The following OTOGL variants were observed in gnomAD, a reference collection of about 807,000 sequenced individuals.
The protein encoded by OTOGL is otogelin-like protein.
Under a neutral mutation model 318.5 loss-of-function variants are expected in OTOGL, and 285 were observed. The observed-to-expected ratio is 0.89, with a 90% CI of 0.81 to 0.99. OTOGL has a LOEUF of 0.99. Among genes scored for constraint, OTOGL ranks in the 50% least tolerant of loss-of-function variants. The pLI is 0.00. For missense variants in OTOGL, 2,899 were observed against 2,845.6 expected (o/e 1.02, Z -0.43); for synonymous variants, 987 against 936.5 (o/e 1.05, Z -0.99).
Position 80,336,928 on chromosome 12 carries a change from T to C in OTOGL, c.4784T>C (p.Ile1595Thr). ...SLKKLAPSGR[I>T]SGLCFKKLNV... The stretch of plus-strand genomic sequence containing the variant: ...CAAATTAAGGCTCCCTCTGGAAGAA[T>C]CTCTGGACTTTGTTTTAAGAAGTTA... The change falls in exon 42 of 59, where the codon ATC becomes ACC. Residue 1595 changes from isoleucine to threonine, a missense_variant. Around this residue, in one of 3 missense-constraint regions of OTOGL, gnomAD observed 2,607 missense variants for 2,524.9 expected, o/e 1.03. Transcript: ENST00000547103. The C allele has an allele frequency of 6.3e-7, 1 of 1,589,394 alleles. No homozygotes were observed. Among genetic ancestry groups the C allele is most frequent in the Non-Finnish European group, 8.6e-7 (1 of 1,166,308 alleles).
At chr12:80,317,734 T>A (rs1887062352) in intron 32 of OTOGL, among the ~76,000 whole-genome samples, 1 of 152,178 alleles carries the variant, frequency 6.6e-6, no homozygotes, top group African/African-American at 2.4e-5. Flanking sequence ...AGACTATTGC[T>A]ATAATTTTCT....
At chr12:80,170,296 T>C (rs781301963) in intron 1 of OTOGL, among the ~76,000 whole-genome samples, 1 of 152,066 alleles carries the variant, frequency 6.6e-6, no homozygotes. Flanking sequence ...TATACTGATA[T>C]CTCCTTGTGA....
chr12:80,147,219 G>A (rs1364585255), intron 1 of OTOGL, among the ~76,000 whole-genome samples: 7 of 150,910 alleles, frequency 4.6e-5, no homozygotes, highest in African/African-American at 1.7e-4. Flanking sequence ...TCTACACACT[G>A]CTTTGAATGC....
At chr12:80,372,731 C>T (rs954947548) in intron 57 of OTOGL, among the ~76,000 whole-genome samples, 4 of 151,444 alleles carry the variant, frequency 2.6e-5, no homozygotes, top group African/African-American at 9.7e-5. Context: ...CTCTATTGCC[C>T]AGGCCGGGGC....
At chr12:80,120,488 A>T (rs1010649869) in intron 1 of OTOGL, among the ~76,000 whole-genome samples, 1 of 152,050 alleles carries the variant, frequency 6.6e-6, no homozygotes, top group Non-Finnish European at 1.5e-5. Flanking sequence ...TTGAGCCCAG[A>T]TTTTTCCACT....
intron 1 of OTOGL, among the ~76,000 whole-genome samples, chr12:80,145,716 T>C (rs1257554496): frequency 6.6e-6 from 1 of 152,068 alleles, no homozygotes; most frequent in Non-Finnish European, 1.5e-5. Context: ...CATTTGTTTG[T>C]ATCCTCTTTT....
chr12:80,184,691 G>A (rs1376664359), intron 1 of OTOGL, among the ~76,000 whole-genome samples: 2 of 152,154 alleles, frequency 1.3e-5, no homozygotes, highest in African/African-American at 4.8e-5. Flanking sequence ...GAGTGTCCAG[G>A]AAGGCTGGAC....
chr12:80,282,569 C>A (rs1157371226), intron 26 of OTOGL, among the ~76,000 whole-genome samples: 1 of 148,980 alleles, frequency 6.7e-6, no homozygotes, highest in South Asian at 2.1e-4. Context: ...GGATTATTTT[C>A]GGAGCCTACG....
rs1872470838 is a variant in OTOGL, at chr12:80,147,492, G to C, written c.-20+47887G>C. On this transcript the variant is annotated intron_variant, in intron 1 of 58. Transcript: ENST00000547103. ...ACTTCCAAGTATGTGGTCAATTTTG[G>C]AATAGGTGTGGTGTGGTGCTGAAAA... Among the ~76,000 whole-genome samples, 2 of 151,090 alleles carry C rather than the reference G, an allele frequency of 1.3e-5. 1 individual carries two copies. Among genetic ancestry groups the C allele is most frequent in the South Asian group, 4.2e-4 (2 of 4,782 alleles).
intron 1 of OTOGL, among the ~76,000 whole-genome samples, chr12:80,147,765 A>G (rs1198442424): frequency 2.6e-5 from 4 of 152,120 alleles, no homozygotes; most frequent in Non-Finnish European, 4.4e-5. Flanking sequence ...TATATTTAGG[A>G]TAGTTAGCTC....
chr12:80,300,162 G>A (rs575526290), intron 27 of OTOGL, among the ~76,000 whole-genome samples: 1 of 150,556 alleles, frequency 6.6e-6, no homozygotes, highest in African/African-American at 2.4e-5. Context: ...CAGGGAAAAA[G>A]TTTCATTTTC....
chr12:80,266,436 C>A lies in OTOGL; in HGVS notation c.2225-15C>A. 2 of 1,612,360 alleles carry A rather than the reference C, an allele frequency of 1.2e-6. No homozygotes were observed. The highest frequency in any genetic ancestry group is 1.7e-6 in the Non-Finnish European group (2 of 1,178,954). On this transcript the variant is annotated splice_polypyrimidine_tract_variant and intron_variant, in intron 20 of 58. Coordinates refer to ENST00000547103, the MANE Select transcript of OTOGL (RefSeq NM_001378609.3). ...CCATGGCAATCTTTCTCAAGTGATA[C>A]TTCTTTGTCCTTAGCTGTGGTGTGC...
chr12:80,158,132 A>G (rs1013010298), intron 1 of OTOGL, among the ~76,000 whole-genome samples: 3 of 152,156 alleles, frequency 2.0e-5, no homozygotes, highest in African/African-American at 7.2e-5. Context: ...TAAAGCTCAG[A>G]AAACTGAGTT....
At chr12:80,239,492 AC>A in intron 11 of OTOGL, 53 bp downstream of exon 11, 1 of 1,230,220 alleles carries the variant, frequency 8.1e-7, no homozygotes, top group Non-Finnish European at 1.1e-6. Flanking sequence ...CAAAAAGAAG[AC>A]CCACAACTAC....
chr12:80,234,015 A>G (rs1473808323), intron 9 of OTOGL, among the ~76,000 whole-genome samples: 1 of 152,188 alleles, frequency 6.6e-6, no homozygotes, highest in East Asian at 1.9e-4. Context: ...ACATCCTGTA[A>G]GGTGAGTAGT....
chr12:80,327,239 A>G (rs1465950305), intron 35 of OTOGL, among the ~76,000 whole-genome samples: 2 of 152,162 alleles, frequency 1.3e-5, no homozygotes, highest in Non-Finnish European at 2.9e-5. Context: ...GAAGAAAAGC[A>G]TTCTCATGTT....
At chr12:80,121,485 G>A (rs534189143) in intron 1 of OTOGL, among the ~76,000 whole-genome samples, 4 of 152,002 alleles carry the variant, frequency 2.6e-5, no homozygotes, top group Non-Finnish European at 5.9e-5. Flanking sequence ...CCATTATATA[G>A]AAGTCTCTAA....
rs1276718074 is a variant in OTOGL at position 80,320,465 on chromosome 12, C to G, written c.3846C>G (p.Tyr1282Ter). Reference protein sequence around the residue: ...VSLESAERPNYFLYVHDNDTL... With the variant: ...VSLESAERPN ...TGGAATCTGCTGAAAGGCCAAACTA[C>G]TTTCTCTATGTCCATGACAATGATA... The change falls in exon 34 of 59, where the codon TAC becomes TAG. Residue 1282 changes from tyrosine (Y) to a stop codon, truncating the protein, a stop_gained. Coordinates refer to ENST00000547103, the MANE Select transcript of OTOGL (RefSeq NM_001378609.3). LOFTEE classifies it high-confidence loss of function. The G allele has an allele frequency of 6.2e-7, 1 of 1,613,486 alleles. No individual in the cohort carries two copies. The highest frequency in any genetic ancestry group is 1.1e-5 in the South Asian group (1 of 91,060).
rs186814194 is a variant in OTOGL, at chr12:80,305,082, T to C, written c.3214-494T>C. On this transcript the variant is annotated intron_variant, in intron 28 of 58. Transcript: ENST00000547103. ...GTGGAAAAACAAATGGTTAACTTGT[T>C]TCTAACAGGCAGGCAATATGATATA... 4.1e-3 allele frequency among the ~76,000 whole-genome samples: 628 copies of C among 152,284 alleles called. 5 individuals are homozygous for C. The highest frequency in any genetic ancestry group is 0.014 in the African/African-American group (595 of 41,564).
Sources: gnomAD v4.1 joint callset for allele counts (sites outside exome capture counted in the v4.1 genomes callset) on GRCh38, gnomAD v4.1.1 for gene constraint, gnomAD v4.1.1 regional missense constraint, MANE v1.5 for transcripts, NCBI Gene and HGNC (gene_info 2026-07-23, HGNC 2026-07-21) for gene names.